Variants in METTL22 observed in about 807,000 individuals in gnomAD.
The protein encoded by METTL22 is methyltransferase 22, Kin17 lysine, also known as methyltransferase-like protein 22.
A neutral mutation model predicts 48.4 loss-of-function variants in METTL22; 51 were observed. The ratio of observed to expected loss-of-function variants is 1.05; its 90% CI spans 0.84 to 1.33. The LOEUF is 1.33. METTL22 is among the 40% of genes most tolerant of loss of function. METTL22 has a pLI of 0.00. For missense variants in METTL22, 678 were observed against 526.9 expected, an observed-to-expected ratio of 1.29 and a Z score of -2.81; for synonymous variants, 255 against 214.1, an observed-to-expected ratio of 1.19 and a Z score of -1.67.
intron 1 of METTL22, among the ~76,000 whole-genome samples, chr16:8,624,511 C>G (rs541793112): frequency 8.5e-5 from 13 of 152,148 alleles, no homozygotes; most frequent in Non-Finnish European, 1.6e-4. Context: ...TCCCAAGTAG[C>G]TGGGACTACC....
chr16:8,629,945 G>A (rs559577313), intron 3 of METTL22, among the ~76,000 whole-genome samples: 6 of 152,216 alleles, frequency 3.9e-5, no homozygotes, highest in African/African-American at 9.6e-5. Flanking sequence ...AAGGCCTAGC[G>A]CCATGCTGCT....
chr16:8,626,836 G>T (rs1412737273), intron 2 of METTL22, among the ~76,000 whole-genome samples: 1 of 127,006 alleles, frequency 7.9e-6, no homozygotes, highest in Non-Finnish European at 1.6e-5. Context: ...ATGCGATCTC[G>T]GCTCACTGCA....
intron 10 of METTL22, among the ~76,000 whole-genome samples, chr16:8,645,518 G>A (rs895672386): frequency 5.9e-5 from 9 of 152,202 alleles, no homozygotes; most frequent in African/African-American, 1.9e-4. Flanking sequence ...GCTCCCACCT[G>A]TAATCCCAGC....
the METTL22 span, among the ~76,000 whole-genome samples, chr16:8,660,798 A>G: frequency 7.3e-3 from 17 of 2,316 alleles, no homozygotes; most frequent in African/African-American, 0.011. Context: ...GAGGAGGAGG[A>G]GGAGGAGGAG....
intron 1 of METTL22, 76 bp from the exon 2 acceptor site, chr16:8,625,420 A>G: frequency 3.1e-6 from 1 of 324,524 alleles, no homozygotes; most frequent in Admixed American, 4.7e-5. Flanking sequence ...AAATGAATAT[A>G]ATGAATATAT....
intron 3 of METTL22, chr16:8,631,595 G>A (rs1395276547): frequency 6.6e-6 from 1 of 152,262 alleles, no homozygotes; most frequent in Non-Finnish European, 1.5e-5. Context: ...CTGTCCTGGG[G>A]ACTGGCCCAA....
chr16:8,661,688 C>G, the METTL22 span, among the ~76,000 whole-genome samples: 1 of 141,088 alleles, frequency 7.1e-6, no homozygotes, highest in African/African-American at 2.7e-5. Flanking sequence ...CATTTATCTG[C>G]CCAACAACTT....
In METTL22 at chr16:8,641,977, A is replaced by C. The variant is rs2056632344; in HGVS notation, c.827-150A>C. ...ACCCGGGCAGCAGTGGGCCTGAAGC[A>C]GGGAGTCTGGTCTGCCTGGTGGTGC... On this transcript the variant is annotated intron_variant, in intron 7 of 10. Transcript: ENST00000381920. 3 of 658,756 alleles carry C rather than the reference A, an allele frequency of 4.6e-6. No homozygotes were observed. The Admixed American group carries it at 7.6e-5, about 17-fold the overall frequency. 40.8% of individuals were successfully genotyped at this position (658,756 alleles called of 1,614,324 possible). A position where few individuals can be genotyped will look rare whatever the true frequency, so the allele number is the denominator to read the frequency against.
At chr16:8,634,087 C>T (rs776765092) in intron 3 of METTL22, among the ~76,000 whole-genome samples, 17 of 152,196 alleles carry the variant, frequency 1.1e-4, no homozygotes, top group Admixed American at 4.6e-4. Context: ...TGTAAGCCAC[C>T]ATGTCAAATC....
chr16:8,664,299 C>G, the METTL22 span, among the ~76,000 whole-genome samples: 1 of 151,888 alleles, frequency 6.6e-6, no homozygotes, highest in African/African-American at 2.4e-5. Flanking sequence ...ACCTGTGACA[C>G]CATGCCCAGC....
intron 3 of METTL22, among the ~76,000 whole-genome samples, chr16:8,634,521 A>C (rs1446179828): frequency 6.6e-6 from 1 of 152,082 alleles, no homozygotes; most frequent in Non-Finnish European, 1.5e-5. Context: ...ACTACTTTTC[A>C]ACGTTTTTAA....
chr16:8,657,824 C>CTTTTTTT, the METTL22 span, among the ~76,000 whole-genome samples: 4 of 137,474 alleles, frequency 2.9e-5, no homozygotes, highest in African/African-American at 8.7e-5. Flanking sequence ...TCTTTTCTTT[C>CTTTTTTT]TTTTTTTTTT....
chr16:8,661,356 C>T, the METTL22 span, among the ~76,000 whole-genome samples: 1 of 151,988 alleles, frequency 6.6e-6, no homozygotes, highest in Non-Finnish European at 1.5e-5. Flanking sequence ...TTATTAAGAA[C>T]TTACCGTTGG....
chr16:8,644,834 T>G, intron 10 of METTL22, 109 bp downstream of exon 10: 1 of 1,207,850 alleles, frequency 8.3e-7, no homozygotes, highest in Non-Finnish European at 1.1e-6. Flanking sequence ...TCCACCCTAG[T>G]CCTGCAGGGG....
intron 9 of METTL22, 111 bp from the exon 10 acceptor site, chr16:8,644,446 C>T: frequency 9.0e-7 from 1 of 1,111,690 alleles, no homozygotes; most frequent in Non-Finnish European, 1.3e-6. Context: ...CAGTAAAAGC[C>T]CGTCCAGGGG....
At chr16:8,641,443 A>T (rs776934225) in intron 7 of METTL22, 1 of 593,790 alleles carries the variant, frequency 1.7e-6, no homozygotes, top group South Asian at 1.5e-5. Context: ...TAATCCCTGA[A>T]TTGTGAGTGC....
At chr16:8,631,570 C>T (rs995939963) in intron 3 of METTL22, 2 of 152,212 alleles carry the variant, frequency 1.3e-5, no homozygotes, top group African/African-American at 2.4e-5. Context: ...TTCAGTGTTC[C>T]GTAAATGTAA....
At position 8,626,022 on chromosome 16, in the gene METTL22, A is replaced by G. The variant is rs1462170157; in HGVS notation, c.133+224A>G. On this transcript the variant is annotated intron_variant, in intron 2 of 10. Coordinates refer to ENST00000381920, the MANE Select transcript of METTL22 (RefSeq NM_024109.4). Reference sequence around the variant, plus strand: ...TTTTGTTTTTGCTTTTCTTAAAGACAATCTCACTCTGTCACCCAGTCTGGA... The same window carrying G: ...TTTTGTTTTTGCTTTTCTTAAAGACGATCTCACTCTGTCACCCAGTCTGGA... 2.0e-5 allele frequency among the ~76,000 whole-genome samples: 3 copies of G among 152,144 alleles called. No individual in the cohort carries two copies. In the East Asian group the frequency reaches 5.8e-4, roughly 29 times the overall value.
In METTL22 at chr16:8,635,232, G is replaced by A. The variant is rs769932895; in HGVS notation, c.620G>A (p.Cys207Tyr). 17 of 1,611,250 alleles carry A rather than the reference G, an allele frequency of 1.1e-5. No individual in the cohort carries two copies. In the East Asian group the frequency reaches 2.0e-4, roughly 19 times the overall value. ...TTCCGACAGGACCTCTTCCGAGGAT[G>A]TACAGCGCTGGAGCTCGGGGCCGGC... ...ILFRQDLFRG[C>Y]TALELGAGTG... Residue 207 changes from cysteine to tyrosine, a missense_variant, in exon 5 of 11, where the codon TGT (cysteine) becomes TAT (tyrosine). By Grantham distance (194) the Cys-to-Tyr change is radical. Coordinates refer to ENST00000381920, the MANE Select transcript of METTL22 (RefSeq NM_024109.4).
Sources: gnomAD v4.1 joint callset for allele counts (sites outside exome capture counted in the v4.1 genomes callset) on GRCh38, gnomAD v4.1.1 for gene constraint, MANE v1.5 for transcripts, NCBI Gene and HGNC (gene_info 2026-07-23, HGNC 2026-07-21) for gene names.